Variants in IGFN1 observed in about 807,000 individuals in gnomAD.
IGFN1 encodes the protein immunoglobulin like and fibronectin type III domain containing 1, also known as immunoglobulin-like and fibronectin type III domain-containing protein 1.
Under a neutral mutation model 289.5 loss-of-function variants are expected in IGFN1, and 253 were observed. The observed-to-expected ratio is 0.87, with a 90% CI of 0.79 to 0.97. The LOEUF is 0.97. IGFN1 is among the 50% of genes least tolerant of loss of function. IGFN1 has a pLI of 0.00. For missense variants in IGFN1, 4,470 were observed against 4,686.1 expected (o/e 0.95, Z 1.35); for synonymous variants, 1,706 against 1,788.5 (o/e 0.95, Z 1.16).
intron 19 of IGFN1, 157 bp from the exon 20 acceptor site, chr1:201,222,582 G>GATT (rs1653801581): frequency 1.8e-6 from 1 of 546,082 alleles, no homozygotes; most frequent in Non-Finnish European, 3.4e-6. Context: ...TCTGCTCCCA[G>GATT]CTGTACTCCA....
chr1:201,214,935 A>T, intron 13 of IGFN1, 78 bp from the exon 14 acceptor site: 1 of 1,478,284 alleles, frequency 6.8e-7, no homozygotes, highest in Non-Finnish European at 9.2e-7. Context: ...CAGCATCAGT[A>T]AAGGGCTCTG....
At position 201,217,390 on chromosome 1, in the gene IGFN1, G is replaced by A. The variant is rs573510275; in HGVS notation, c.9699G>A (p.Leu3233=). 4.3e-6 allele frequency: 7 copies of A among 1,614,188 alleles called. No homozygotes were observed. In the East Asian group the frequency reaches 1.6e-4, roughly 36 times the overall value. Residue 3233 remains leucine, a synonymous_variant, in exon 17 of 24, where the codon CTG becomes CTA. Transcript: ENST00000335211. ...GGGGCCCCGGCAGCGCCCACATCCT[G>A]GGCTACCTGATCGAGAGGCGTAAGA... ...APRGPGSAHI[L]GYLIERRKKG... is the part of the protein sequence containing the mutation.
intron 8 of IGFN1, among the ~76,000 whole-genome samples, chr1:201,201,449 C>T (rs769462460): frequency 5.9e-5 from 9 of 152,180 alleles, no homozygotes; most frequent in Non-Finnish European, 1.0e-4. Flanking sequence ...AACTAATGTT[C>T]GTTAGAAGTA....
chr1:201,209,276 G>A lies in IGFN1; in HGVS notation c.4383G>A (p.Arg1461=). The A allele has an allele frequency of 6.7e-7, 1 of 1,487,076 alleles. No individual in the cohort carries two copies. Among genetic ancestry groups the A allele is most frequent in the African/African-American group, 1.4e-5 (1 of 70,780 alleles). 92.1% of individuals were successfully genotyped at this position (1,487,076 alleles called of 1,614,324 possible). ...GGTCAATGGATGAGGCAGGTTATAG[G>A]AAAAATTTGGGAGCTCCTGAGAGAA... ...EMRSMDEAGY[R]KNLGAPERMD... is the part of the protein sequence containing the mutation. The change falls in exon 12 of 24, where the codon AGG becomes AGA. Residue 1461 remains arginine, a synonymous_variant. Coordinates refer to ENST00000335211, the MANE Select transcript of IGFN1 (RefSeq NM_001164586.2).
rs1474180399 is a variant in IGFN1, at chr1:201,213,394, G to C, written c.8501G>C (p.Gly2834Ala). ...GAGGTTGGAGGAGGAAAGAGAAGGG[G>C]AGCAGACGAGGCTGGAAGCATGGGG... ...GAEVGGGKRR[G>A]ADEAGSMGWQ... Residue 2834 changes from glycine to alanine, a missense_variant, in exon 12 of 24, where the codon GGA becomes GCA. Physicochemically the swap from Gly to Ala is moderately conservative, Grantham distance 60. This residue lies in a region of IGFN1 where 2,218 missense variants were observed against 2,114.1 expected (regional missense o/e 1.05). Coordinates refer to ENST00000335211, the MANE Select transcript of IGFN1 (RefSeq NM_001164586.2). The C allele has an allele frequency of 6.2e-7, 1 of 1,613,784 alleles. No individual in the cohort carries two copies. Among genetic ancestry groups the C allele is most frequent in the East Asian group, 2.2e-5 (1 of 44,890 alleles).
Position 201,213,479 on chromosome 1 carries a change from C to T in IGFN1, c.8586C>T (p.Ser2862=). The change falls in exon 12 of 24, where the codon AGC becomes AGT. Residue 2862 remains serine, a synonymous_variant. Transcript: ENST00000335211. The part of the protein sequence containing the change: ...CLEEMLNEDQ[S]REPPGHLGSR... The stretch of plus-strand genomic sequence containing the variant: ...AGGAGATGCTGAATGAAGATCAGAG[C>T]CGGGAGCCCCCTGGTCACCTTGGTA... The T allele has an allele frequency of 6.2e-7, 1 of 1,613,984 alleles. No homozygotes were observed. Among genetic ancestry groups the T allele is most frequent in the South Asian group, 1.1e-5 (1 of 91,072 alleles).
rs1394279299 is a variant in IGFN1, at chr1:201,191,072, T to C, written c.-48+165T>C. On this transcript the variant is annotated intron_variant, in intron 1 of 23. Coordinates refer to ENST00000335211, the MANE Select transcript of IGFN1 (RefSeq NM_001164586.2). ...GGCGGATCACACGCTGGGGTGCACC[T>C]GTATCCCCTCTAGGTTACTCCAGGA... Among the ~76,000 whole-genome samples, 5 of 152,176 alleles carry C rather than the reference T, an allele frequency of 3.3e-5. No homozygotes were observed. The East Asian group carries it at 9.6e-4, about 29-fold the overall frequency.
rs753641126 is a variant in IGFN1, at chr1:201,227,084, T to C, written c.10989T>C (p.Thr3663=). The change falls in exon 23 of 24, where the codon ACT becomes ACC. Residue 3663 remains threonine (T), a synonymous_variant. Transcript: ENST00000335211. ...AAGGAAACCCCGCGGTGTACAGCAC[T>C]GACCTGCTGGGCGTGTGCTCCCTCA... ...SLEGNPAVYS[T]DLLGVCSLTI... 1 of 1,613,678 alleles carries C rather than the reference T, an allele frequency of 6.2e-7. No individual in the cohort carries two copies. Among genetic ancestry groups the C allele is most frequent in the South Asian group, 1.1e-5 (1 of 91,092 alleles).
chr1:201,194,299 G>C (rs1666793061), intron 3 of IGFN1, 26 bp downstream of exon 3: 1 of 1,549,918 alleles, frequency 6.5e-7, no homozygotes, highest in Non-Finnish European at 8.7e-7. Context: ...AGCTGCGGAG[G>C]GGAGGCAAGA....
In IGFN1 at chr1:201,212,887, A is replaced by G. The variant is rs998794479; in HGVS notation, c.7994A>G (p.His2665Arg). 7.1e-6 allele frequency: 11 copies of G among 1,551,238 alleles called. No homozygotes were observed. Among genetic ancestry groups the G allele is most frequent in the Non-Finnish European group, 9.6e-6 (11 of 1,146,902 alleles). ...QEKDAAFGGT[H>R]EGPGGFKGGE... ...AAAGATGCCGCTTTTGGTGGGACCC[A>G]TGAAGGGCCAGGGGGCTTTAAGGGT... Residue 2665 changes from histidine to arginine, a missense_variant, in exon 12 of 24, where the codon CAT becomes CGT. By Grantham distance (29) the His-to-Arg change is conservative. Transcript: ENST00000335211.
At chr1:201,223,408 T>A (rs1653873353) in intron 20 of IGFN1, among the ~76,000 whole-genome samples, 1 of 150,684 alleles carries the variant, frequency 6.6e-6, no homozygotes, top group East Asian at 1.9e-4. Flanking sequence ...TCTCACTCTG[T>A]CACCCAGGCT....
chr1:201,198,158 T>C (rs1666993812), intron 5 of IGFN1, among the ~76,000 whole-genome samples: 1 of 152,240 alleles, frequency 6.6e-6, no homozygotes, highest in Admixed American at 6.5e-5. Context: ...TGAGATGGAC[T>C]GGAGTCTTGC....
At position 201,205,551 on chromosome 1, in the gene IGFN1, C is replaced by G. The variant is rs114767524; in HGVS notation, c.1189+197C>G. Among the ~76,000 whole-genome samples the G allele has an allele frequency of 7.8e-3, 1,189 of 152,258 alleles. 16 individuals are homozygous for G. The highest frequency in any genetic ancestry group is 0.027 in the African/African-American group (1,134 of 41,538). ...CTCAGCTGTGCCTGCTCTACTGGGTCTCTTGGAATTACTTTGGGGCACAGA... is the reference window on the plus strand; with the variant it reads ...CTCAGCTGTGCCTGCTCTACTGGGTGTCTTGGAATTACTTTGGGGCACAGA... On this transcript the variant is annotated intron_variant, in intron 11 of 23. Coordinates refer to ENST00000335211, the MANE Select transcript of IGFN1 (RefSeq NM_001164586.2).
chr1:201,211,582 C>G lies in IGFN1; in HGVS notation c.6689C>G (p.Ala2230Gly). 6.5e-7 allele frequency: 1 copy of G among 1,534,116 alleles called. No individual in the cohort carries two copies. Residue 2230 changes from alanine (A) to glycine (G), a missense_variant, in exon 12 of 24, where the codon GCA becomes GGA. Physicochemically the swap from Ala to Gly is moderately conservative, Grantham distance 60. Transcript: ENST00000335211. ...AAGGGAATGGGTTCAGGGAGTAAGG[C>G]AGGTTTCAGGGATGGTTTAGGGAGT... Reference protein sequence around the residue: ...APKGMGSGSKAGFRDGLGSSG... With the variant: ...APKGMGSGSKGGFRDGLGSSG...
At chr1:201,220,576 C>A (rs1653665341) in intron 18 of IGFN1, among the ~76,000 whole-genome samples, 2 of 152,254 alleles carry the variant, frequency 1.3e-5, no homozygotes, top group African/African-American at 4.8e-5. Context: ...TTTCTGGATT[C>A]TTGCTGCTAA....
intron 11 of IGFN1, 54 bp downstream of exon 11, chr1:201,205,408 G>T: frequency 6.8e-7 from 1 of 1,464,388 alleles, no homozygotes; most frequent in Non-Finnish European, 9.1e-7. Context: ...CCTTGGGGCT[G>T]CGGAGGCATG....
chr1:201,214,409 T>C (rs1653045025), intron 13 of IGFN1, 108 bp downstream of exon 13: 1 of 1,191,776 alleles, frequency 8.4e-7, no homozygotes, highest in African/African-American at 1.5e-5. Context: ...ATTCTTCATT[T>C]TGCTAATGTA....
At chr1:201,196,699 C>A (rs1174576461) in intron 4 of IGFN1, among the ~76,000 whole-genome samples, 35 of 152,074 alleles carry the variant, frequency 2.3e-4, no homozygotes, top group Non-Finnish European at 1.2e-4. Flanking sequence ...AGTGCCTGGC[C>A]TATAGTGAGT....
chr1:201,224,605 C>G, intron 20 of IGFN1, 74 bp from the exon 21 acceptor site: 8 of 1,304,354 alleles, frequency 6.1e-6, no homozygotes, highest in Non-Finnish European at 8.7e-6. Flanking sequence ...TACCTTTGGC[C>G]TAGCTTAAAT....
Sources: gnomAD v4.1 joint callset for allele counts (sites outside exome capture counted in the v4.1 genomes callset) on GRCh38, gnomAD v4.1.1 for gene constraint, gnomAD v4.1.1 regional missense constraint, MANE v1.5 for transcripts, NCBI Gene and HGNC (gene_info 2026-07-23, HGNC 2026-07-21) for gene names.